P2RX2: variants seen among roughly 807,000 people sequenced by gnomAD.
P2RX2 encodes purinergic receptor P2X 2.
A neutral mutation model predicts 54.8 loss-of-function variants in P2RX2; 50 were observed. The observed-to-expected ratio is 0.91, with a 90% confidence interval of 0.73 to 1.15. The LOEUF (loss-of-function observed/expected upper bound fraction) is 1.15, where lower values mean the gene tolerates loss of function less well. P2RX2 is among the 50% of genes most tolerant of loss of function. P2RX2 has a pLI of 0.00. For missense variants in P2RX2, 658 were observed against 633.2 expected (o/e 1.04, Z -0.42); for synonymous variants, 289 against 259.4 (o/e 1.11, Z -1.09).
At chr12:132,620,820 C>G (rs971106738) in intron 7 of P2RX2, among the ~76,000 whole-genome samples, 181 bp from the exon 8 acceptor site, 8 of 152,284 alleles carry the variant, frequency 5.3e-5, no homozygotes, top group African/African-American at 1.9e-4. Context: ...CCACCAGTAC[C>G]CCTGAGCTGC....
Position 132,621,489 on chromosome 12 carries a change from C to T in P2RX2, c.1011C>T (p.Ser337=). The part of the protein sequence containing the change: ...VIVHGQAGKF[S]LIPTIINLAT... ...ATTCTCCCCAGGCCGGGAAGTTCAG[C>T]CTGATTCCCACCATTATTAATCTGG... Residue 337 remains serine, a synonymous_variant, in exon 10 of 11, where the codon AGC becomes AGT. Coordinates refer to ENST00000643471, the MANE Select transcript of P2RX2 (RefSeq NM_170682.4). 1 of 1,563,184 alleles carries T rather than the reference C, an allele frequency of 6.4e-7. No homozygotes were observed. Among genetic ancestry groups the T allele is most frequent in the Admixed American group, 1.8e-5 (1 of 54,950 alleles).
At chr12:132,620,773 GGCT>G (rs776446690) in intron 7 of P2RX2, among the ~76,000 whole-genome samples, 190 bp downstream of exon 7, 7 of 152,232 alleles carry the variant, frequency 4.6e-5, no homozygotes, top group Non-Finnish European at 8.8e-5. Context: ...CCATGGGGCT[GGCT>G]GCTGGCACCC....
chr12:132,620,109 C>G lies in P2RX2; in HGVS notation c.554+13C>G, dbSNP rs769709980. 1.3e-5 allele frequency: 20 copies of G among 1,559,042 alleles called. No homozygotes were observed. Among genetic ancestry groups the G allele is most frequent in the Middle Eastern group, 1.9e-4 (1 of 5,314 alleles). ...GGGCCTCTGTCAGGTGCACCTGCGC[C>G]CCGGCCTGGGGCCCAGCCTCCCCTC... is the stretch of plus-strand genomic sequence containing the variant. On this transcript the variant is annotated intron_variant, in intron 5 of 10. Transcript: ENST00000643471.
chr12:132,618,978 C>A lies in P2RX2; in HGVS notation c.162C>A (p.Leu54=). The A allele has an allele frequency of 3.1e-6, 4 of 1,278,346 alleles. No individual in the cohort carries two copies. Among genetic ancestry groups the A allele is most frequent in the Non-Finnish European group, 4.0e-6 (4 of 1,000,474 alleles). 79.2% of individuals were successfully genotyped at this position (1,278,346 alleles called of 1,614,324 possible). A position where few individuals can be genotyped will look rare whatever the true frequency, so the allele number is the denominator to read the frequency against. Residue 54 remains leucine, a synonymous_variant, in exon 1 of 11, where the codon CTC becomes CTA. Transcript: ENST00000643471. ...GCGCCGTGCAGCTGCTCATCCTGCT[C>A]TACTTCGTGTGGTGCGCGGGGCGCG... ...LYRAVQLLIL[L]YFVWYVFIVQ...
intron 6 of P2RX2, 35 bp downstream of exon 6, chr12:132,620,382 G>A (rs375064298): frequency 1.1e-4 from 174 of 1,613,804 alleles, no homozygotes; most frequent in Non-Finnish European, 1.4e-4. Flanking sequence ...GGCCCAGCCT[G>A]AGGGCTGCCT....
In P2RX2 at chr12:132,622,218, C is replaced by A. The variant is rs1483978173; in HGVS notation, c.*246C>A. On this transcript the variant is annotated 3_prime_UTR_variant, in exon 11 of 11. Coordinates refer to ENST00000643471, the MANE Select transcript of P2RX2 (RefSeq NM_170682.4). ...CAGGGCTGCTCACTTCCCATCACCT[C>A]TCACAGCCACCTGGAACCCAAGCCA... The A allele has an allele frequency of 2.2e-6, 3 of 1,389,222 alleles. No homozygotes were observed. The highest frequency in any genetic ancestry group is 2.8e-6 in the Non-Finnish European group (3 of 1,076,048). 86.1% of individuals were successfully genotyped at this position (1,389,222 alleles called of 1,614,324 possible).
intron 1 of P2RX2, 115 bp from the exon 2 acceptor site, chr12:132,619,324 G>A (rs1471076001): frequency 1.7e-6 from 2 of 1,158,660 alleles, no homozygotes; most frequent in African/African-American, 1.6e-5. Flanking sequence ...CGCGGGGCAG[G>A]CCCCAAGAGC....
Position 132,622,067 on chromosome 12 carries a change from C to T in P2RX2, c.*95C>T, listed in dbSNP as rs182078010. The T allele has an allele frequency of 1.9e-4, 302 of 1,571,976 alleles. 1 individual carries two copies. In the Admixed American group the frequency reaches 4.5e-3, roughly 24 times the overall value. ...CACGTGGACGTGGGCACCTCAGTAG[C>T]GGAGCATCTCCACGAAACGGGGCAC... On this transcript the variant is annotated 3_prime_UTR_variant, in exon 11 of 11. Coordinates refer to ENST00000643471, the MANE Select transcript of P2RX2 (RefSeq NM_170682.4).
rs981606905 is a variant in P2RX2, at chr12:132,622,036, G to A, written c.*64G>A. On this transcript the variant is annotated 3_prime_UTR_variant, in exon 11 of 11. Transcript: ENST00000643471. ...TGGGGCCAGAGAGTCCCCAGCTAGG[G>A]ACCTGCACGTGGACGTGGGCACCTC... 1.1e-5 allele frequency: 18 copies of A among 1,604,238 alleles called. No homozygotes were observed. The highest frequency in any genetic ancestry group is 1.5e-5 in the Non-Finnish European group (18 of 1,176,136).
rs747546145 is a variant in P2RX2 at position 132,621,084 on chromosome 12, G to C, written c.858G>C (p.Arg286=). ...AGTGCAACCCCAAGTACTCCTTCCG[G>C]AGGCTTGACCCCAAGCACGTGCCTG... is the stretch of plus-strand genomic sequence containing the variant. ...ASECNPKYSF[R]RLDPKHVPAS... is the part of the protein sequence containing the mutation. The change falls in exon 8 of 11, where the codon CGG becomes CGC. Residue 286 remains arginine (R), a synonymous_variant. Coordinates refer to ENST00000643471, the MANE Select transcript of P2RX2 (RefSeq NM_170682.4). The C allele has an allele frequency of 2.5e-6, 4 of 1,614,154 alleles. No homozygotes were observed. The highest frequency in any genetic ancestry group is 2.5e-6 in the Non-Finnish European group (3 of 1,180,002).
rs749843274 is a variant in P2RX2, at chr12:132,618,846, C to T, written c.30C>T (p.Ala10=). Residue 10 remains alanine, a synonymous_variant, in exon 1 of 11, where the codon GCC becomes GCT. Coordinates refer to ENST00000643471, the MANE Select transcript of P2RX2 (RefSeq NM_170682.4). MAAAQPKYP[A]GATARRLARG... is the part of the protein sequence containing the mutation. ...CCGCCGCCCAGCCCAAGTACCCCGC[C>T]GGGGCGACCGCCCGGCGCCTGGCCC... 1 of 1,354,910 alleles carries T rather than the reference C, an allele frequency of 7.4e-7. No individual in the cohort carries two copies. Among genetic ancestry groups the T allele is most frequent in the Admixed American group, 3.1e-5 (1 of 32,642 alleles). 83.9% of individuals were successfully genotyped at this position (1,354,910 alleles called of 1,614,324 possible). A position where few individuals can be genotyped will look rare whatever the true frequency, so the allele number is the denominator to read the frequency against.
chr12:132,619,279 G>C, intron 1 of P2RX2, 160 bp from the exon 2 acceptor site: 2 of 588,682 alleles, frequency 3.4e-6, no homozygotes, highest in Non-Finnish European at 5.0e-6. Context: ...CTGGGACCGG[G>C]GGCGCGGGGC....
At chr12:132,619,024 G>GGGGCGCA (rs778408076) in intron 1 of P2RX2, 35 bp downstream of exon 1, 4 of 1,143,794 alleles carry the variant, frequency 3.5e-6, no homozygotes, top group South Asian at 3.8e-5. Context: ...CGCGGGGTGC[G>GGGGCGCA]GGGCGCAGGG....
Position 132,620,084 on chromosome 12 carries a change from G to T in P2RX2, c.542G>T (p.Gly181Val), listed in dbSNP as rs2138367883. 6.3e-7 allele frequency: 1 copy of T among 1,581,194 alleles called. No homozygotes were observed. Among genetic ancestry groups the T allele is most frequent in the Admixed American group, 1.8e-5 (1 of 55,012 alleles). Reference protein sequence around the residue: ...EVFGWCPVEDGASVSQFLGTM... With the variant: ...EVFGWCPVEDVASVSQFLGTM... Reference sequence around the variant, plus strand: ...TTCGGCTGGTGCCCGGTGGAAGATGGGGCCTCTGTCAGGTGCACCTGCGCC... The same window carrying T: ...TTCGGCTGGTGCCCGGTGGAAGATGTGGCCTCTGTCAGGTGCACCTGCGCC... Residue 181 changes from glycine to valine, a missense_variant, in exon 5 of 11, where the codon GGG (glycine) becomes GTG (valine). By Grantham distance (109) the Gly-to-Val change is moderately radical (BLOSUM62 -3). Coordinates refer to ENST00000643471, the MANE Select transcript of P2RX2 (RefSeq NM_170682.4).
Position 132,620,888 on chromosome 12 carries a change from AGGG to A in P2RX2, c.775-111_775-109del. 2.0e-5 allele frequency: 11 copies of A among 543,104 alleles called. 1 individual carries two copies. The highest frequency in any genetic ancestry group is 4.4e-5 in the South Asian group (1 of 22,548). 33.6% of individuals were successfully genotyped at this position (543,104 alleles called of 1,614,324 possible). A position where few individuals can be genotyped will look rare whatever the true frequency, so the allele number is the denominator to read the frequency against. ...AGCCTGGGACTGACCCGGGCTCTCG[AGGG>A]GCCTCTCGTGTGCCCTTGTGACCCC... On this transcript the variant is annotated intron_variant, in intron 7 of 10. Coordinates refer to ENST00000643471, the MANE Select transcript of P2RX2 (RefSeq NM_170682.4).
In P2RX2 at chr12:132,621,673, T is replaced by C. The variant is rs767759087; in HGVS notation, c.1117T>C (p.Tyr373His). ...LLTFMNKNKV[Y>H]SHKKFDKVCT... ...AACATTCATGAACAAAAACAAGGTC[T>C]ACAGCCATAAGAAATTTGACAAGGT... is the stretch of plus-strand genomic sequence containing the variant. Residue 373 changes from tyrosine to histidine, a missense_variant, in exon 11 of 11, where the codon TAC (tyrosine) becomes CAC (histidine). Tyr to His is a moderately conservative substitution (Grantham distance 83). Coordinates refer to ENST00000643471, the MANE Select transcript of P2RX2 (RefSeq NM_170682.4). The C allele has an allele frequency of 1.2e-6, 2 of 1,613,862 alleles. No individual in the cohort carries two copies. The highest frequency in any genetic ancestry group is 3.3e-5 in the Admixed American group (2 of 59,986).
Position 132,619,886 on chromosome 12 carries a change from T to G in P2RX2, c.424T>G (p.Cys142Gly), listed in dbSNP as rs773055213. 2 of 1,506,142 alleles carry G rather than the reference T, an allele frequency of 1.3e-6. No individual in the cohort carries two copies. The highest frequency in any genetic ancestry group is 9.0e-7 in the Non-Finnish European group (1 of 1,116,394). The allele number at this position is 1,506,142 out of a possible 1,614,324, so 93.3% of individuals were successfully genotyped here. A position where few individuals can be genotyped will look rare whatever the true frequency, so the allele number is the denominator to read the frequency against. ...HNATCLSDADCVAGELDMLGN... is the reference protein window; with the variant it reads ...HNATCLSDADGVAGELDMLGN... ...CGCCACCTGCCTCTCCGACGCCGAC[T>G]GCGTGGCTGGGGAGCTGGACATGCT... Residue 142 changes from cysteine (C) to glycine (G), a missense_variant, in exon 4 of 11, where the codon TGC (cysteine) becomes GGC (glycine). Transcript: ENST00000643471.
chr12:132,620,165 G>T, intron 5 of P2RX2, 69 bp downstream of exon 5: 1 of 1,506,314 alleles, frequency 6.6e-7, no homozygotes, highest in Non-Finnish European at 9.1e-7. Flanking sequence ...GAGGCCAAAC[G>T]GGCGGGGCAG....
Position 132,621,840 on chromosome 12 carries a change from G to C in P2RX2, c.1284G>C (p.Glu428Asp). The C allele has an allele frequency of 6.2e-7, 1 of 1,612,374 alleles. No homozygotes were observed. Among genetic ancestry groups the C allele is most frequent in the South Asian group, 1.1e-5 (1 of 90,912 alleles). ...PSGQEGQQGA[E>D]CGPAFPPLRP... ...GCCAGGAGGGCCAACAAGGGGCAGA[G>C]TGTGGCCCAGCCTTCCCGCCCCTGC... The change falls in exon 11 of 11, where the codon GAG (glutamate) becomes GAC (aspartate). Residue 428 changes from glutamate to aspartate, a missense_variant. Physicochemically the swap from Glu to Asp is conservative, Grantham distance 45. Transcript: ENST00000643471.
Sources: allele counts gnomAD v4.1 joint callset (sites outside exome capture counted in the v4.1 genomes callset), GRCh38; gene constraint gnomAD v4.1.1; transcripts MANE v1.5; gene names NCBI Gene and HGNC (gene_info 2026-07-23, HGNC 2026-07-21).